Variants in DNAH9 observed in about 807,000 individuals in gnomAD.
DNAH9 encodes the protein dynein axonemal heavy chain 9, also known as DNAH9 variant protein.
In DNAH9, 345 loss-of-function variants were observed where a neutral mutation model predicts 471.6. The observed-to-expected ratio is 0.73, with a 90% CI of 0.67 to 0.80. The LOEUF is 0.80. Ranked by LOEUF, DNAH9 falls within the 30% of genes least tolerant of loss-of-function variation. The pLI is 0.00. For synonymous variants in DNAH9, 2,093 were observed against 2,123.6 expected, an observed-to-expected ratio of 0.99 and a Z score of 0.40; for missense variants, 5,407 against 5,609.2, an observed-to-expected ratio of 0.96 and a Z score of 1.15.
intron 41 of DNAH9, among the ~76,000 whole-genome samples, chr17:11,786,450 T>C (rs891440535): frequency 6.6e-6 from 1 of 151,866 alleles, no homozygotes; most frequent in African/African-American, 2.4e-5. Flanking sequence ...GAGACCAGAG[T>C]GGGCCCTACT....
chr17:11,612,140 G>A, intron 4 of DNAH9: 1 of 535,660 alleles, frequency 1.9e-6, no homozygotes, highest in Admixed American at 3.2e-5. Flanking sequence ...CTGTCCCTTT[G>A]TGTCTTTCAA....
At chr17:11,813,749 AC>A (rs1470448886) in intron 45 of DNAH9, among the ~76,000 whole-genome samples, 6 of 152,182 alleles carry the variant, frequency 3.9e-5, no homozygotes, top group Admixed American at 6.5e-5. Flanking sequence ...CTAAAATCAA[AC>A]CATGATAGTA....
chr17:11,769,059 C>A, intron 37 of DNAH9, 63 bp from the exon 38 acceptor site: 1 of 1,561,174 alleles, frequency 6.4e-7, no homozygotes. Flanking sequence ...TTCGGAACGC[C>A]GCTGGTGCAT....
At chr17:11,923,687 G>C in intron 61 of DNAH9, 127 bp from the exon 62 acceptor site, 2 of 1,169,550 alleles carry the variant, frequency 1.7e-6, no homozygotes, top group Non-Finnish European at 2.4e-6. Context: ...AGTATATGAG[G>C]TTTCGGTTAT....
chr17:11,708,041 A>C (rs2074755149), intron 26 of DNAH9, among the ~76,000 whole-genome samples: 1 of 148,224 alleles, frequency 6.7e-6, no homozygotes, highest in African/African-American at 2.6e-5. Context: ...AGAGAGAGAG[A>C]GAGAGAGAGA....
chr17:11,771,833 A>T (rs1306764515), intron 38 of DNAH9, among the ~76,000 whole-genome samples: 2 of 152,244 alleles, frequency 1.3e-5, no homozygotes, highest in Non-Finnish European at 2.9e-5. Flanking sequence ...CATTTATCAA[A>T]GACTTATCAG....
At chr17:11,695,183 C>T (rs1033975165) in intron 22 of DNAH9, among the ~76,000 whole-genome samples, 5 of 151,934 alleles carry the variant, frequency 3.3e-5, no homozygotes, top group African/African-American at 9.7e-5. Flanking sequence ...CCACTGCACC[C>T]GGCCACCTCG....
In DNAH9 at chr17:11,784,329, C is replaced by T. The variant is rs55776624; in HGVS notation, c.7851C>T (p.Phe2617=). The T allele has an allele frequency of 1.2e-6, 2 of 1,614,194 alleles. No individual in the cohort carries two copies. The highest frequency in any genetic ancestry group is 1.7e-5 in the Admixed American group (1 of 60,022). ...ACTTCAGCGTGTTTGTCCTCTCCTT[C>T]CCGGGGGCAGATGCCCTGTCCTCTA... is the stretch of plus-strand genomic sequence containing the variant. ...QRHFSVFVLS[F]PGADALSSIY... The change falls in exon 41 of 69, where the codon TTC becomes TTT. Residue 2617 remains phenylalanine, a synonymous_variant. Transcript: ENST00000262442.
In DNAH9 at chr17:11,694,699, TTTCTCTCTCTCTCTCTCTCTCTCTC is replaced by T. The variant is rs1567724815; in HGVS notation, c.4872+254_4872+278del. ...CTTTCTCGCTTTCTCGCTTTCTCGC[TTTCTCTCTCTCTCTCTCTCTCTCTC>T]TCTTTCTCTTTCTTTCTTTCTTTCT... On this transcript the variant is annotated intron_variant, in intron 22 of 68. Coordinates refer to ENST00000262442, the MANE Select transcript of DNAH9 (RefSeq NM_001372.4). 1.6e-3 allele frequency among the ~76,000 whole-genome samples: 7 copies of T among 4,262 alleles called. 1 individual carries two copies. In the Non-Finnish European group the frequency reaches 0.017, roughly 10 times the overall value. 2.8% of individuals were successfully genotyped at this position (4,262 alleles called of 152,430 possible).
chr17:11,724,731 G>C (rs113647049), intron 27 of DNAH9, among the ~76,000 whole-genome samples: 1 of 152,372 alleles, frequency 6.6e-6, no homozygotes, highest in African/African-American at 2.4e-5. Context: ...TTTTTGGCAT[G>C]AGGGACCAGT....
intron 14 of DNAH9, among the ~76,000 whole-genome samples, chr17:11,664,523 C>T (rs2081731831): frequency 6.6e-6 from 1 of 152,210 alleles, no homozygotes; most frequent in Admixed American, 6.5e-5. Context: ...ACTTCCTCCA[C>T]AGTATATCAA....
At chr17:11,607,375 AC>A (rs2072530304) in intron 1 of DNAH9, among the ~76,000 whole-genome samples, 1 of 152,130 alleles carries the variant, frequency 6.6e-6, no homozygotes, top group African/African-American at 2.4e-5. Flanking sequence ...TTGGGAACAG[AC>A]TAAATGACAA....
chr17:11,930,755 A>G (rs1479455510), intron 63 of DNAH9, among the ~76,000 whole-genome samples: 5 of 99,588 alleles, frequency 5.0e-5, no homozygotes, highest in Non-Finnish European at 1.0e-4. Context: ...ACAGAGTGAG[A>G]CTCCATCTCC....
chr17:11,654,632 C>T (rs922396875), intron 14 of DNAH9, among the ~76,000 whole-genome samples: 3 of 151,772 alleles, frequency 2.0e-5, no homozygotes, highest in East Asian at 1.9e-4. Flanking sequence ...TCACAAGAGT[C>T]TCTAAAAGTT....
chr17:11,945,485 C>T (rs1280384079), intron 67 of DNAH9, among the ~76,000 whole-genome samples: 1 of 151,242 alleles, frequency 6.6e-6, no homozygotes, highest in Non-Finnish European at 1.5e-5. Flanking sequence ...CTGCAGTGAG[C>T]CGACACTGTG....
intron 21 of DNAH9, 44 bp from the exon 22 acceptor site, chr17:11,694,277 T>G (rs1165614448): frequency 6.2e-7 from 1 of 1,609,102 alleles, no homozygotes; most frequent in Non-Finnish European, 8.5e-7. Context: ...TATCCATGGG[T>G]CTAGACATTC....
chr17:11,605,825 A>G (rs114287748), intron 1 of DNAH9, among the ~76,000 whole-genome samples: 2,366 of 152,142 alleles, frequency 0.016, 61 homozygotes, highest in African/African-American at 0.053. Flanking sequence ...CACTTCATAG[A>G]GAGTTCACAT....
intron 31 of DNAH9, among the ~76,000 whole-genome samples, chr17:11,745,992 A>G (rs1311585831): frequency 3.9e-5 from 6 of 152,236 alleles, no homozygotes; most frequent in African/African-American, 1.4e-4. Flanking sequence ...TTCTAGAAAA[A>G]GAACAGAAAG....
At chr17:11,735,651 G>A (rs1400380431) in intron 28 of DNAH9, among the ~76,000 whole-genome samples, 1 of 152,082 alleles carries the variant, frequency 6.6e-6, no homozygotes, top group Non-Finnish European at 1.5e-5. Flanking sequence ...TAGCCAGGAT[G>A]GTCTCGATCT....
Sources: allele counts gnomAD v4.1 joint callset (sites outside exome capture counted in the v4.1 genomes callset), GRCh38; gene constraint gnomAD v4.1.1; transcripts MANE v1.5; gene names NCBI Gene and HGNC (gene_info 2026-07-23, HGNC 2026-07-21).